PPP1R42: variants seen among roughly 807,000 people sequenced by gnomAD.
PPP1R42 encodes the protein leucine rich repeat containing 67.
Under a neutral mutation model 31.0 loss-of-function variants are expected in PPP1R42, and 34 were observed. That is an observed-to-expected ratio of 1.10 (90% CI 0.83 to 1.46). The LOEUF (loss-of-function observed/expected upper bound fraction) is 1.46. PPP1R42 is among the 40% of genes most tolerant of loss of function. The pLI is 0.00. For synonymous variants in PPP1R42, 103 were observed against 109.8 expected, an observed-to-expected ratio of 0.94 and a Z score of 0.39; for missense variants, 268 against 303.0, an observed-to-expected ratio of 0.88 and a Z score of 0.86.
chr8:66,989,128 T>C (rs1308038759), intron 5 of PPP1R42, among the ~76,000 whole-genome samples: 1 of 152,210 alleles, frequency 6.6e-6, no homozygotes, highest in East Asian at 1.9e-4. Context: ...TTAATTGTCA[T>C]AATTGTACTG....
intron 2 of PPP1R42, 88 bp from the exon 3 acceptor site, chr8:67,014,680 T>A: frequency 2.3e-6 from 2 of 853,810 alleles, no homozygotes; most frequent in Non-Finnish European, 3.6e-6. Flanking sequence ...TTGATCATTC[T>A]ACAAATTTCT....
rs1359176729 is a variant in PPP1R42, at chr8:67,013,027, A to G, written c.366T>C (p.His122=). 2 of 1,612,394 alleles carry G rather than the reference A, an allele frequency of 1.2e-6. No individual in the cohort carries two copies. The highest frequency in any genetic ancestry group is 1.3e-5 in the African/African-American group (1 of 74,920). The change falls in exon 4 of 8, where the codon CAT becomes CAC. Residue 122 remains histidine (H), a synonymous_variant. Transcript: ENST00000685739. The part of the protein sequence containing the change: ...LEGLGELREL[H]VENQRLPLGE... ...CAAGGGGAAGCCTCTGATTCTCAAC[A>G]TGAAGCTCTCTTAGTTCTCCTAATC...
At chr8:67,025,797 G>T (rs1041421845) in intron 1 of PPP1R42, among the ~76,000 whole-genome samples, 9 of 151,274 alleles carry the variant, frequency 5.9e-5, no homozygotes, top group African/African-American at 2.2e-4. Flanking sequence ...TTGAGGTCAG[G>T]AGTTCGAGAC....
intron 4 of PPP1R42, among the ~76,000 whole-genome samples, chr8:67,011,491 C>T (rs930389072): frequency 3.3e-5 from 5 of 152,010 alleles, no homozygotes; most frequent in African/African-American, 2.4e-5. Context: ...CACGCCTGGG[C>T]GACAGAACAA....
intron 5 of PPP1R42, among the ~76,000 whole-genome samples, chr8:66,998,210 T>C (rs991025049): frequency 2.0e-5 from 3 of 152,244 alleles, no homozygotes; most frequent in Non-Finnish European, 4.4e-5. Flanking sequence ...TCTCCATTTA[T>C]GTAGATCTTC....
At chr8:66,965,947 G>T (rs980008589) in intron 7 of PPP1R42, among the ~76,000 whole-genome samples, 5 of 151,942 alleles carry the variant, frequency 3.3e-5, no homozygotes, top group African/African-American at 1.2e-4. Flanking sequence ...CATAATAAAA[G>T]AATATGTCAA....
chr8:66,964,339 A>G lies in PPP1R42; in HGVS notation c.803-5T>C. 8.0e-7 allele frequency: 1 copy of G among 1,244,546 alleles called. No homozygotes were observed. Among genetic ancestry groups the G allele is most frequent in the Non-Finnish European group, 1.0e-6 (1 of 973,122 alleles). 77.1% of individuals were successfully genotyped at this position (1,244,546 alleles called of 1,614,324 possible). ...GATTGCTTCAAAGAGAGATTCCTGTATTTATAGAGAGGGAAAAAAAAGCAT... is the reference window on the plus strand; with the variant it reads ...GATTGCTTCAAAGAGAGATTCCTGTGTTTATAGAGAGGGAAAAAAAAGCAT... On this transcript the variant is annotated splice_region_variant and splice_polypyrimidine_tract_variant and intron_variant, in intron 7 of 7. Coordinates refer to ENST00000685739, the MANE Select transcript of PPP1R42 (RefSeq NM_001364910.1).
chr8:67,026,533 C>T (rs894961219), intron 1 of PPP1R42, among the ~76,000 whole-genome samples: 3 of 151,902 alleles, frequency 2.0e-5, no homozygotes, highest in Non-Finnish European at 2.9e-5. Flanking sequence ...ATTTATTCTC[C>T]TGCTTTTAAG....
At chr8:66,976,701 C>T (rs192291800) in intron 7 of PPP1R42, among the ~76,000 whole-genome samples, 2 of 152,024 alleles carry the variant, frequency 1.3e-5, no homozygotes, top group East Asian at 3.9e-4. Flanking sequence ...ACATAATGTC[C>T]CCCATTTCCA....
intron 5 of PPP1R42, among the ~76,000 whole-genome samples, chr8:67,000,105 T>G (rs537061731): frequency 2.6e-5 from 4 of 152,160 alleles, no homozygotes; most frequent in Non-Finnish European, 4.4e-5. Context: ...TGCTGTTATT[T>G]TCCTTATTTC....
intron 5 of PPP1R42, among the ~76,000 whole-genome samples, chr8:66,997,715 T>A (rs115013269): frequency 0.019 from 2,731 of 143,432 alleles, 54 homozygotes; most frequent in African/African-American, 0.045. Context: ...TAATTTTTTT[T>A]AAAAAAAAAA....
At chr8:67,019,184 A>G (rs967320650) in intron 1 of PPP1R42, among the ~76,000 whole-genome samples, 3 of 143,588 alleles carry the variant, frequency 2.1e-5, no homozygotes, top group African/African-American at 7.8e-5. Context: ...CCTCCTGCCT[A>G]TGCCTCAGCT....
At chr8:67,023,336 T>C (rs1294967059) in intron 1 of PPP1R42, among the ~76,000 whole-genome samples, 1 of 152,024 alleles carries the variant, frequency 6.6e-6, no homozygotes, top group Non-Finnish European at 1.5e-5. Context: ...TTTCAAACTC[T>C]TGGGCGAAAG....
At chr8:67,008,040 C>G (rs1815738368) in intron 5 of PPP1R42, among the ~76,000 whole-genome samples, 1 of 151,874 alleles carries the variant, frequency 6.6e-6, no homozygotes, top group Non-Finnish European at 1.5e-5. Flanking sequence ...GCGCCTGCCA[C>G]CATGCACGGC....
rs915227804 is a variant in PPP1R42, at chr8:66,988,112, G to A, written c.670+288C>T. 1.8e-5 allele frequency: 19 copies of A among 1,030,772 alleles called. No homozygotes were observed. The South Asian group carries it at 3.6e-4, about 20-fold the overall frequency. The allele number at this position is 1,030,772 out of a possible 1,614,324, so 63.9% of individuals were successfully genotyped here. On this transcript the variant is annotated intron_variant, in intron 6 of 7. Coordinates refer to ENST00000685739, the MANE Select transcript of PPP1R42 (RefSeq NM_001364910.1). ...TTGTGCTAACGAAAGTTTGGCAAAA[G>A]GTCAGCAAGTTCTACACATTTATGA... is the stretch of plus-strand genomic sequence containing the variant.
chr8:66,972,768 C>T (rs575337989), intron 7 of PPP1R42, among the ~76,000 whole-genome samples: 1 of 152,228 alleles, frequency 6.6e-6, no homozygotes, highest in South Asian at 2.1e-4. Context: ...TCATATTATC[C>T]TATTTCCTCT....
intron 1 of PPP1R42, among the ~76,000 whole-genome samples, chr8:67,023,806 G>T (rs1432841359): frequency 1.4e-5 from 2 of 144,968 alleles, no homozygotes; most frequent in South Asian, 2.2e-4. Flanking sequence ...TCTGCTGTAA[G>T]TTTTTTTTTT....
At position 67,017,620 on chromosome 8, in the gene PPP1R42, A is replaced by G. The variant is rs781434480; in HGVS notation, c.128T>C (p.Ile43Thr). ...INFSDKNIDA[I>T]EDLSLCKNLS... ...AGGAAATAATTTCAAAGTTCTTACA[A>G]TTGCATCTATATTTTTGTCTGAAAA... is the stretch of plus-strand genomic sequence containing the variant. The change falls in exon 2 of 8, where the codon ATT (isoleucine) becomes ACT (threonine). Residue 43 changes from isoleucine (I) to threonine (T), a missense_variant and splice_region_variant. Coordinates refer to ENST00000685739, the MANE Select transcript of PPP1R42 (RefSeq NM_001364910.1). The G allele has an allele frequency of 6.9e-7, 1 of 1,451,012 alleles. No individual in the cohort carries two copies. The highest frequency in any genetic ancestry group is 9.3e-7 in the Non-Finnish European group (1 of 1,080,450). The allele number at this position is 1,451,012 out of a possible 1,614,324, so 89.9% of individuals were successfully genotyped here. A position where few individuals can be genotyped will look rare whatever the true frequency, so the allele number is the denominator to read the frequency against.
intron 7 of PPP1R42, among the ~76,000 whole-genome samples, chr8:66,964,897 C>T (rs1814338185): frequency 6.6e-6 from 1 of 152,194 alleles, no homozygotes; most frequent in African/African-American, 2.4e-5. Context: ...ACATTACTCT[C>T]ATTCTCCAAA....
Sources: allele counts gnomAD v4.1 joint callset (sites outside exome capture counted in the v4.1 genomes callset), GRCh38; gene constraint gnomAD v4.1.1; transcripts MANE v1.5; gene names NCBI Gene and HGNC (gene_info 2026-07-23, HGNC 2026-07-21).